KIF16B: variants seen among roughly 807,000 people sequenced by gnomAD.
The protein encoded by KIF16B is kinesin-like protein KIF16B.
KIF16B carries 98 observed loss-of-function variants against 156.3 expected under a neutral mutation model. The observed-to-expected ratio is 0.63, with a 90% CI of 0.53 to 0.74. KIF16B has a LOEUF of 0.74. KIF16B is among the 30% of genes least tolerant of loss of function. KIF16B has a pLI of 0.00. For synonymous variants in KIF16B, 564 were observed against 583.7 expected, an observed-to-expected ratio of 0.97 and a Z score of 0.49; for missense variants, 1,421 against 1,606.5, an observed-to-expected ratio of 0.88 and a Z score of 1.97.
intron 1 of KIF16B, among the ~76,000 whole-genome samples, chr20:16,547,854 A>G (rs1485193046): frequency 1.3e-5 from 2 of 152,194 alleles, no homozygotes; most frequent in Non-Finnish European, 2.9e-5. Flanking sequence ...ACCAAATCCC[A>G]GCAGGGACCC....
chr20:16,541,605 C>A lies in KIF16B; in HGVS notation c.48-13165G>T, dbSNP rs535431081. 1.7e-4 allele frequency among the ~76,000 whole-genome samples: 26 copies of A among 152,220 alleles called. No individual in the cohort carries two copies. In the South Asian group the frequency reaches 3.5e-3, roughly 21 times the overall value. On this transcript the variant is annotated intron_variant, in intron 1 of 25. Transcript: ENST00000354981. ...CTGGCCTAGGGAAACAGTAATAAACCTAAAAAATTAGGCAAAGCACCAACT... is the reference window on the plus strand; with the variant it reads ...CTGGCCTAGGGAAACAGTAATAAACATAAAAAATTAGGCAAAGCACCAACT...
At chr20:16,413,878 G>A (rs1330147834) in intron 15 of KIF16B, among the ~76,000 whole-genome samples, 1 of 152,064 alleles carries the variant, frequency 6.6e-6, no homozygotes, top group Non-Finnish European at 1.5e-5. Context: ...GGTATTGAGT[G>A]AGAGGCTGAA....
chr20:16,553,145 G>A (rs1220674503), intron 1 of KIF16B, among the ~76,000 whole-genome samples: 2 of 152,140 alleles, frequency 1.3e-5, no homozygotes, highest in South Asian at 2.1e-4. Flanking sequence ...GCCATTTCGT[G>A]AGACTTTGTA....
chr20:16,511,741 G>A lies in KIF16B; in HGVS notation c.447-214C>T, dbSNP rs930625245. Among the ~76,000 whole-genome samples the A allele has an allele frequency of 2.0e-5, 3 of 152,276 alleles. No individual in the cohort carries two copies. The South Asian group carries it at 6.2e-4, about 32-fold the overall frequency. Reference sequence around the variant, plus strand: ...CTTTAAGGGAAAGGACATACAGTGGGTCCTCAAATAACAATGCTTCCTTCA... The same window carrying A: ...CTTTAAGGGAAAGGACATACAGTGGATCCTCAAATAACAATGCTTCCTTCA... On this transcript the variant is annotated intron_variant, in intron 5 of 25. Coordinates refer to ENST00000354981, the MANE Select transcript of KIF16B (RefSeq NM_024704.5).
intron 2 of KIF16B, 135 bp downstream of exon 2, chr20:16,528,236 C>G (rs1024540164): frequency 6.2e-6 from 4 of 649,394 alleles, no homozygotes; most frequent in South Asian, 3.8e-5. Context: ...AAGCCAGGTG[C>G]AAGCTGACGT....
intron 19 of KIF16B, among the ~76,000 whole-genome samples, chr20:16,377,136 C>T (rs1244086795): frequency 1.3e-5 from 2 of 152,104 alleles, no homozygotes; most frequent in African/African-American, 4.8e-5. Context: ...CATGCATCAG[C>T]TAAATGCCAA....
intron 25 of KIF16B, among the ~76,000 whole-genome samples, chr20:16,277,598 C>T (rs1323369526): frequency 6.6e-6 from 1 of 151,914 alleles, no homozygotes; most frequent in African/African-American, 2.4e-5. Context: ...TTAAAATCCC[C>T]CTGTCAAAGC....
intron 1 of KIF16B, among the ~76,000 whole-genome samples, chr20:16,561,876 C>G (rs2071076477): frequency 6.6e-6 from 1 of 152,132 alleles, no homozygotes; most frequent in Non-Finnish European, 1.5e-5. Flanking sequence ...TTATGAAAAA[C>G]AAGGAAAGAC....
intron 25 of KIF16B, among the ~76,000 whole-genome samples, chr20:16,283,502 C>T (rs1016499744): frequency 2.0e-5 from 3 of 152,018 alleles, no homozygotes; most frequent in East Asian, 1.9e-4. Context: ...AGCAGCGAGC[C>T]GTGGCTGCCA....
chr20:16,361,215 C>A (rs909210973), intron 22 of KIF16B, among the ~76,000 whole-genome samples: 24 of 152,116 alleles, frequency 1.6e-4, no homozygotes, highest in African/African-American at 5.8e-4. Flanking sequence ...CTAATTAGAG[C>A]TATTATGTCT....
In KIF16B at chr20:16,399,990, T is replaced by C. The variant is rs376742269; in HGVS notation, c.1784+4823A>G. ...TCCAGGGCTTGTGCTGCCCAGCCAA[T>C]TTCTGAGAGGTCAGAGCAATGCCTT... is the stretch of plus-strand genomic sequence containing the variant. On this transcript the variant is annotated intron_variant, in intron 17 of 25. Transcript: ENST00000354981. Among the ~76,000 whole-genome samples, 15 of 152,306 alleles carry C rather than the reference T, an allele frequency of 9.8e-5. No individual in the cohort carries two copies. The East Asian group carries it at 2.9e-3, about 29-fold the overall frequency.
intron 15 of KIF16B, among the ~76,000 whole-genome samples, chr20:16,409,772 G>A (rs1484346670): frequency 3.3e-5 from 5 of 151,422 alleles, no homozygotes; most frequent in African/African-American, 1.2e-4. Context: ...AGTTGAATGG[G>A]GAGTCTTCTG....
chr20:16,332,766 A>T (rs925873380), intron 24 of KIF16B, among the ~76,000 whole-genome samples: 2 of 152,252 alleles, frequency 1.3e-5, no homozygotes, highest in Middle Eastern at 3.4e-3. Flanking sequence ...AAATAAAAAA[A>T]TTTTTCTTAA....
At chr20:16,332,886 G>T (rs969648068) in intron 24 of KIF16B, among the ~76,000 whole-genome samples, 1 of 151,954 alleles carries the variant, frequency 6.6e-6, no homozygotes, top group Non-Finnish European at 1.5e-5. Flanking sequence ...TTCTAATTGG[G>T]TGTTTAAAAG....
chr20:16,335,028 G>T (rs529953031), intron 24 of KIF16B, among the ~76,000 whole-genome samples: 2 of 152,180 alleles, frequency 1.3e-5, no homozygotes, highest in African/African-American at 4.8e-5. Flanking sequence ...TTTTAAAAAG[G>T]GTGGAAGCCA....
At chr20:16,529,316 A>C (rs1055752206) in intron 1 of KIF16B, among the ~76,000 whole-genome samples, 1 of 152,224 alleles carries the variant, frequency 6.6e-6, no homozygotes, top group Non-Finnish European at 1.5e-5. Flanking sequence ...TGCAAAAATA[A>C]AACAAGAGTT....
chr20:16,548,507 A>G (rs1293937968), intron 1 of KIF16B, among the ~76,000 whole-genome samples: 1 of 152,204 alleles, frequency 6.6e-6, no homozygotes, highest in Admixed American at 6.5e-5. Flanking sequence ...GCCTCCTGTC[A>G]TATCAGCAGC....
intron 25 of KIF16B, among the ~76,000 whole-genome samples, chr20:16,291,727 T>G (rs2063318038): frequency 6.6e-6 from 1 of 152,224 alleles, no homozygotes; most frequent in Non-Finnish European, 1.5e-5. Flanking sequence ...TGTCAGTATG[T>G]ATTGACTAAG....
chr20:16,435,599 CTTGTT>C (rs1410588906), intron 12 of KIF16B, among the ~76,000 whole-genome samples: 2 of 152,112 alleles, frequency 1.3e-5, no homozygotes, highest in Admixed American at 6.5e-5. Context: ...CAAAGCTTGT[CTTGTT>C]TTATTTTCCA....
Sources: allele counts gnomAD v4.1 joint callset (sites outside exome capture counted in the v4.1 genomes callset), GRCh38; gene constraint gnomAD v4.1.1; transcripts MANE v1.5; gene names NCBI Gene and HGNC (gene_info 2026-07-23, HGNC 2026-07-21).